RAB21: variants seen among roughly 807,000 people sequenced by gnomAD.
The protein encoded by RAB21 is ras-related protein Rab-21.
A neutral mutation model predicts 33.1 loss-of-function variants in RAB21; 13 were observed. The observed-to-expected ratio is 0.39, with a 90% CI of 0.26 to 0.62. RAB21 has a LOEUF of 0.62. RAB21 is among the 20% of genes least tolerant of loss of function. The pLI is 0.48. For missense variants in RAB21, 234 were observed against 279.1 expected (o/e 0.84, Z 1.15); for synonymous variants, 91 against 103.7 (o/e 0.88, Z 0.74).
chr12:71,776,952 A>G (rs1393798445), intron 4 of RAB21, among the ~76,000 whole-genome samples: 1 of 152,186 alleles, frequency 6.6e-6, no homozygotes, highest in African/African-American at 2.4e-5. Flanking sequence ...GATTTAGTGT[A>G]CATACACGCT....
At chr12:71,766,412 A>G (rs1882961585) in intron 1 of RAB21, among the ~76,000 whole-genome samples, 1 of 152,174 alleles carries the variant, frequency 6.6e-6, no homozygotes, top group African/African-American at 2.4e-5. Flanking sequence ...TACCCTCCTT[A>G]TGCCTCATTT....
In RAB21 at chr12:71,782,634, G is replaced by C. The variant is rs1219775371; in HGVS notation, c.511G>C (p.Glu171Gln). The C allele has an allele frequency of 1.3e-6, 2 of 1,598,696 alleles. No homozygotes were observed. The highest frequency in any genetic ancestry group is 2.2e-5 in the South Asian group (2 of 89,398). ...AGCCAAACAGAACAAAGGAATTGAG[G>C]AACTCTTTCTTGACCTTTGTAAAAG... ...TSAKQNKGIE[E>Q]LFLDLCKRMI... is the part of the protein sequence containing the mutation. The change falls in exon 6 of 7, where the codon GAA becomes CAA. Residue 171 changes from glutamate (E) to glutamine (Q), a missense_variant. By Grantham distance (29) the Glu-to-Gln change is conservative (BLOSUM62 2). Transcript: ENST00000261263.
intron 2 of RAB21, among the ~76,000 whole-genome samples, 195 bp downstream of exon 2, chr12:71,770,054 C>T (rs904925655): frequency 2.0e-5 from 3 of 151,784 alleles, no homozygotes; most frequent in Non-Finnish European, 4.4e-5. Flanking sequence ...GGAGAAGGGT[C>T]AACTCAGAGG....
rs891224567 is a variant in RAB21, at chr12:71,755,099, A to T, written c.-31A>T. The stretch of plus-strand genomic sequence containing the variant: ...GCGGCTGTCGGGAGGGCGGCGCGAC[A>T]CTCGGGCTCGGGCGGCCGGGAAGCG... On this transcript the variant is annotated 5_prime_UTR_variant, in exon 1 of 7. Coordinates refer to ENST00000261263, the MANE Select transcript of RAB21 (RefSeq NM_014999.4). 3 of 1,107,268 alleles carry T rather than the reference A, an allele frequency of 2.7e-6. No homozygotes were observed. The highest frequency in any genetic ancestry group is 3.3e-6 in the Non-Finnish European group (3 of 911,836). The allele number at this position is 1,107,268 out of a possible 1,614,324, so 68.6% of individuals were successfully genotyped here. A position where few individuals can be genotyped will look rare whatever the true frequency, so the allele number is the denominator to read the frequency against.
At chr12:71,770,565 C>A in intron 2 of RAB21, 27 bp from the exon 3 acceptor site, 1 of 1,431,380 alleles carries the variant, frequency 7.0e-7, no homozygotes, top group Non-Finnish European at 9.8e-7. Flanking sequence ...TTCTTCTGAT[C>A]TAATAAGCAT....
intron 1 of RAB21, among the ~76,000 whole-genome samples, chr12:71,759,520 C>T (rs1882839122): frequency 6.6e-6 from 1 of 152,212 alleles, no homozygotes; most frequent in Non-Finnish European, 1.5e-5. Flanking sequence ...CACAGGCCAT[C>T]CCCTCCTCCT....
In RAB21 at chr12:71,791,887, C is replaced by T. The variant is rs1378355127; in HGVS notation, c.*6214C>T. 2.6e-5 allele frequency: 4 copies of T among 152,166 alleles called. No individual in the cohort carries two copies. The highest frequency in any genetic ancestry group is 7.2e-5 in the African/African-American group (3 of 41,416). 9.4% of individuals were successfully genotyped at this position (152,166 alleles called of 1,614,324 possible). A position where few individuals can be genotyped will look rare whatever the true frequency, so the allele number is the denominator to read the frequency against. ...CTTTTTCTGGAAGTTTTTTTTGAGACAGGGTCTTGCTTTGCCGCACAGACT... is the reference window on the plus strand; with the variant it reads ...CTTTTTCTGGAAGTTTTTTTTGAGATAGGGTCTTGCTTTGCCGCACAGACT... On this transcript the variant is annotated 3_prime_UTR_variant, in exon 7 of 7. Transcript: ENST00000261263.
At chr12:71,756,551 A>G (rs1172974915) in intron 1 of RAB21, among the ~76,000 whole-genome samples, 1 of 152,170 alleles carries the variant, frequency 6.6e-6, no homozygotes, top group Non-Finnish European at 1.5e-5. Context: ...TCCATGTTCT[A>G]TTTTTACTCC....
At position 71,796,024 on chromosome 12, in the gene RAB21, G is replaced by A. The variant is rs1203083901; in HGVS notation, c.*10351G>A. 1.0e-4 allele frequency: 14 copies of A among 137,306 alleles called. 4 individuals are homozygous for A. The Admixed American group carries it at 1.0e-3, about 10-fold the overall frequency. 8.5% of individuals were successfully genotyped at this position (137,306 alleles called of 1,614,324 possible). A position where few individuals can be genotyped will look rare whatever the true frequency, so the allele number is the denominator to read the frequency against. On this transcript the variant is annotated 3_prime_UTR_variant, in exon 7 of 7. Coordinates refer to ENST00000261263, the MANE Select transcript of RAB21 (RefSeq NM_014999.4). ...AAATGAAATTTTATGACATTCTAATGTACATACTCGCCAAGAAATGCTACA... is the reference window on the plus strand; with the variant it reads ...AAATGAAATTTTATGACATTCTAATATACATACTCGCCAAGAAATGCTACA...
chr12:71,785,704 A>G lies in RAB21; in HGVS notation c.*31A>G, dbSNP rs199800486. On this transcript the variant is annotated 3_prime_UTR_variant, in exon 7 of 7. Coordinates refer to ENST00000261263, the MANE Select transcript of RAB21 (RefSeq NM_014999.4). ...CACGCCTAAGAAATTAAAAGACAGA[A>G]CAAAACTGTGGATCATTGCCCTCAA... 58 of 1,612,232 alleles carry G rather than the reference A, an allele frequency of 3.6e-5. 1 individual carries two copies. The Admixed American group carries it at 8.0e-4, about 22-fold the overall frequency.
In RAB21 at chr12:71,799,446, T is replaced by G. The variant is rs1253039623; in HGVS notation, c.*13773T>G. The G allele has an allele frequency of 6.6e-6, 1 of 152,212 alleles. No homozygotes were observed. The highest frequency in any genetic ancestry group is 1.9e-4 in the East Asian group (1 of 5,198). The allele number at this position is 152,212 out of a possible 1,614,324, so 9.4% of individuals were successfully genotyped here. On this transcript the variant is annotated 3_prime_UTR_variant, in exon 7 of 7. Coordinates refer to ENST00000261263, the MANE Select transcript of RAB21 (RefSeq NM_014999.4). ...GGCAATTGGGCAACAGCAATCAAAATTGTCTTTTCTTTTGACCTAGCAGTT... is the reference window on the plus strand; with the variant it reads ...GGCAATTGGGCAACAGCAATCAAAAGTGTCTTTTCTTTTGACCTAGCAGTT...
At chr12:71,764,697 A>G (rs901815279) in intron 1 of RAB21, among the ~76,000 whole-genome samples, 6 of 152,174 alleles carry the variant, frequency 3.9e-5, no homozygotes, top group African/African-American at 1.4e-4. Context: ...TATAAGTGAG[A>G]ACGTACAATA....
At chr12:71,780,541 TC>T (rs1315981602) in intron 4 of RAB21, among the ~76,000 whole-genome samples, 1 of 152,194 alleles carries the variant, frequency 6.6e-6, no homozygotes, top group African/African-American at 2.4e-5. Flanking sequence ...ATATGAAACT[TC>T]TTGCTGTGGT....
chr12:71,755,432 C>T (rs1334917044), intron 1 of RAB21, 144 bp downstream of exon 1: 8 of 1,047,338 alleles, frequency 7.6e-6, no homozygotes. Context: ...TTTCCGAATT[C>T]GCCCTGGGGA....
intron 6 of RAB21, among the ~76,000 whole-genome samples, chr12:71,783,537 A>G (rs1883234195): frequency 6.6e-6 from 1 of 151,942 alleles, no homozygotes; most frequent in Admixed American, 6.6e-5. Flanking sequence ...TAAAATATTG[A>G]TTATGTAAGT....
intron 4 of RAB21, among the ~76,000 whole-genome samples, chr12:71,777,439 C>G (rs1428210508): frequency 6.6e-6 from 1 of 152,036 alleles, no homozygotes; most frequent in African/African-American, 2.4e-5. Context: ...ATCTGTTTTG[C>G]TATTGATGGA....
intron 3 of RAB21, among the ~76,000 whole-genome samples, chr12:71,772,730 T>G (rs752471678): frequency 2.6e-5 from 4 of 152,176 alleles, no homozygotes; most frequent in Non-Finnish European, 5.9e-5. Flanking sequence ...CAAATTTTTC[T>G]TATGTGAAAT....
chr12:71,768,141 A>C (rs1882988441), intron 1 of RAB21, among the ~76,000 whole-genome samples: 1 of 152,144 alleles, frequency 6.6e-6, no homozygotes, highest in East Asian at 1.9e-4. Flanking sequence ...AAATATCTTG[A>C]GGATAGCTTG....
chr12:71,785,845 G>T lies in RAB21; in HGVS notation c.*172G>T. 6.8e-6 allele frequency: 4 copies of T among 584,692 alleles called. No individual in the cohort carries two copies. The highest frequency in any genetic ancestry group is 4.0e-5 in the South Asian group (1 of 25,224). The allele number at this position is 584,692 out of a possible 1,614,324, so 36.2% of individuals were successfully genotyped here. On this transcript the variant is annotated 3_prime_UTR_variant, in exon 7 of 7. Coordinates refer to ENST00000261263, the MANE Select transcript of RAB21 (RefSeq NM_014999.4). ...GACCTTAAGTGCTAAACTTAGTGGA[G>T]TTTGTGACCAGAGAATTGGCATTTT...
Sources: gnomAD v4.1 joint callset for allele counts (sites outside exome capture counted in the v4.1 genomes callset) on GRCh38, gnomAD v4.1.1 for gene constraint, MANE v1.5 for transcripts, NCBI Gene and HGNC (gene_info 2026-07-23, HGNC 2026-07-21) for gene names.